Variants in OPCML observed in about 807,000 individuals in gnomAD.
OPCML encodes opioid-binding protein/cell adhesion molecule.
A neutral mutation model predicts 37.8 loss-of-function variants in OPCML; 13 were observed. That is an observed-to-expected ratio of 0.34 (90% CI 0.22 to 0.55). The LOEUF (loss-of-function observed/expected upper bound fraction) is 0.55, where lower values mean the gene tolerates loss of function less well. Among genes scored for constraint, OPCML ranks in the 20% least tolerant of loss-of-function variants. OPCML has a pLI of 0.91. For synonymous variants in OPCML, 176 were observed against 168.8 expected, an observed-to-expected ratio of 1.04 and a Z score of -0.33; for missense variants, 341 against 435.6, an observed-to-expected ratio of 0.78 and a Z score of 1.93.
chr11:132,420,501 T>G, intron 7 of OPCML: 1 of 529,116 alleles, frequency 1.9e-6, no homozygotes, highest in Non-Finnish European at 2.4e-6. Context: ...CAGCCTGCTC[T>G]GAAAGACTAT....
At chr11:133,309,374 A>G (rs1943013907) in intron 1 of OPCML, among the ~76,000 whole-genome samples, 1 of 152,188 alleles carries the variant, frequency 6.6e-6, no homozygotes, top group Non-Finnish European at 1.5e-5. Flanking sequence ...ATGAGAAAAC[A>G]TCAGTTAAAT....
chr11:132,501,354 T>C (rs1340924506), intron 4 of OPCML, among the ~76,000 whole-genome samples: 1 of 152,194 alleles, frequency 6.6e-6, no homozygotes, highest in Non-Finnish European at 1.5e-5. Context: ...CCAAAAGCAA[T>C]TGCAACAGAA....
chr11:132,719,146 G>A (rs909866119), intron 2 of OPCML, among the ~76,000 whole-genome samples: 3 of 152,228 alleles, frequency 2.0e-5, no homozygotes, highest in Admixed American at 1.3e-4. Flanking sequence ...TCTCTGGCCC[G>A]GGCGCGCCGT....
At chr11:132,724,618 T>C (rs1944808190) in intron 2 of OPCML, among the ~76,000 whole-genome samples, 1 of 152,138 alleles carries the variant, frequency 6.6e-6, no homozygotes, top group Non-Finnish European at 1.5e-5. Flanking sequence ...CAAGAGTTTC[T>C]CAAAGTCTTA....
intron 1 of OPCML, among the ~76,000 whole-genome samples, chr11:133,514,944 A>G (rs1237838487): frequency 6.6e-6 from 1 of 152,216 alleles, no homozygotes; most frequent in African/African-American, 2.4e-5. Flanking sequence ...AAGCCTTCTC[A>G]TATCTAATTT....
At chr11:132,994,749 G>A (rs1427443109) in intron 1 of OPCML, among the ~76,000 whole-genome samples, 1 of 152,088 alleles carries the variant, frequency 6.6e-6, no homozygotes, top group Non-Finnish European at 1.5e-5. Flanking sequence ...CAGCTAAATG[G>A]AACACAGCCC....
chr11:133,004,518 G>A, intron 1 of OPCML: 1 of 985,454 alleles, frequency 1.0e-6, no homozygotes, highest in Non-Finnish European at 1.2e-6. Context: ...GACGACCGAG[G>A]TCGGCCTTGG....
chr11:133,147,590 G>A (rs1417516187), intron 1 of OPCML, among the ~76,000 whole-genome samples: 2 of 152,074 alleles, frequency 1.3e-5, no homozygotes, highest in Non-Finnish European at 2.9e-5. Flanking sequence ...CGATGTTTTG[G>A]GAATTAAACC....
chr11:132,980,636 G>A (rs1026762217), intron 1 of OPCML, among the ~76,000 whole-genome samples: 1 of 152,104 alleles, frequency 6.6e-6, no homozygotes, highest in Non-Finnish European at 1.5e-5. Context: ...TCAGAAAATT[G>A]ACACTAAAAA....
rs899195621 is a variant in OPCML, at chr11:133,349,977, C to T, written c.61+182287G>A. Among the ~76,000 whole-genome samples the T allele has an allele frequency of 7.2e-5, 11 of 152,282 alleles. No homozygotes were observed. The East Asian group carries it at 1.7e-3, about 24-fold the overall frequency. On this transcript the variant is annotated intron_variant, in intron 1 of 7. Transcript: ENST00000524381. ...CAGGTCAATGGTCTGTTCTGCTCAG[C>T]GTTGGAACAGATATGAAGCAGTGAA...
intron 2 of OPCML, among the ~76,000 whole-genome samples, chr11:132,765,259 G>T (rs1352743915): frequency 6.6e-6 from 1 of 152,158 alleles, no homozygotes; most frequent in East Asian, 1.9e-4. Flanking sequence ...TTCAAGAGGA[G>T]GGCTAATGTG....
Position 133,393,001 on chromosome 11 carries a change from C to G in OPCML, c.61+139263G>C, listed in dbSNP as rs1435734333. On this transcript the variant is annotated intron_variant, in intron 1 of 7. Coordinates refer to ENST00000524381, the MANE Select transcript of OPCML (RefSeq NM_001012393.5). ...AATGCCCTGCCTTCTTGTTTCAGCT[C>G]TTATATTATAAACACTTCCTTCTCA... Among the ~76,000 whole-genome samples the G allele has an allele frequency of 2.0e-5, 3 of 149,904 alleles. No homozygotes were observed. The East Asian group carries it at 5.9e-4, about 30-fold the overall frequency.
intron 1 of OPCML, among the ~76,000 whole-genome samples, chr11:133,519,083 G>A (rs891472133): frequency 4.6e-5 from 7 of 152,078 alleles, no homozygotes; most frequent in East Asian, 1.9e-4. Context: ...CTCCCGTTGC[G>A]GGGTGGCTGA....
intron 7 of OPCML, among the ~76,000 whole-genome samples, chr11:132,431,829 G>A (rs906497552): frequency 1.3e-4 from 20 of 152,206 alleles, no homozygotes; most frequent in South Asian, 4.1e-4. Context: ...CAGACTGACC[G>A]TCTGTGAGAG....
chr11:133,486,779 T>C (rs1230215785), intron 1 of OPCML, among the ~76,000 whole-genome samples: 1 of 152,014 alleles, frequency 6.6e-6, no homozygotes, highest in Non-Finnish European at 1.5e-5. Flanking sequence ...CCATTCCTTA[T>C]TCTTTGCAGT....
chr11:132,443,720 C>A (rs780843318), intron 4 of OPCML, among the ~76,000 whole-genome samples: 1 of 152,204 alleles, frequency 6.6e-6, no homozygotes, highest in Non-Finnish European at 1.5e-5. Context: ...GTAAGATAGA[C>A]CACAGGAAGG....
chr11:132,765,368 G>C (rs1198412403), intron 2 of OPCML, among the ~76,000 whole-genome samples: 1 of 152,198 alleles, frequency 6.6e-6, no homozygotes, highest in African/African-American at 2.4e-5. Context: ...TTCCCTAAAG[G>C]AGAAGTTCTC....
At chr11:133,002,542 T>G (rs1364663912) in intron 1 of OPCML, among the ~76,000 whole-genome samples, 1 of 152,202 alleles carries the variant, frequency 6.6e-6, no homozygotes, top group African/African-American at 2.4e-5. Flanking sequence ...ATGATGTTAG[T>G]TCTGTGTGCC....
chr11:133,459,843 G>A (rs1051030552), intron 1 of OPCML, among the ~76,000 whole-genome samples: 1 of 151,954 alleles, frequency 6.6e-6, no homozygotes, highest in African/African-American at 2.4e-5. Context: ...CGAATACAGA[G>A]AAATTGAGCA....
Sources: gnomAD v4.1 joint callset for allele counts (sites outside exome capture counted in the v4.1 genomes callset) on GRCh38, gnomAD v4.1.1 for gene constraint, MANE v1.5 for transcripts, NCBI Gene and HGNC (gene_info 2026-07-23, HGNC 2026-07-21) for gene names.